Variants in DCAF10 observed in about 807,000 individuals in gnomAD.
The protein encoded by DCAF10 is DDB1- and CUL4-associated factor 10.
DCAF10 carries 19 observed loss-of-function variants against 51.9 expected under a neutral mutation model. That is an observed-to-expected ratio of 0.37 (90% confidence interval 0.26 to 0.54). The LOEUF is 0.54. DCAF10 is among the 20% of genes least tolerant of loss of function. DCAF10 has a pLI of 0.87. For synonymous variants in DCAF10, 291 were observed against 297.1 expected (o/e 0.98, Z 0.21); for missense variants, 510 against 730.6 (o/e 0.70, Z 3.48).
intron 2 of DCAF10, among the ~76,000 whole-genome samples, chr9:37,838,333 G>A (rs534110792): frequency 1.2e-4 from 19 of 152,002 alleles, no homozygotes; most frequent in African/African-American, 4.3e-4. Flanking sequence ...AAAGACCTAT[G>A]TGGCAAGGAT....
At chr9:37,836,949 C>G (rs1238131275) in intron 2 of DCAF10, among the ~76,000 whole-genome samples, 1 of 152,090 alleles carries the variant, frequency 6.6e-6, no homozygotes, top group Non-Finnish European at 1.5e-5. Context: ...CACAGTAGAT[C>G]AAACACATTT....
intron 3 of DCAF10, among the ~76,000 whole-genome samples, chr9:37,851,638 T>A (rs937975916): frequency 1.3e-5 from 2 of 151,246 alleles, no homozygotes; most frequent in Non-Finnish European, 3.0e-5. Flanking sequence ...TTACTAAAAA[T>A]ACAAAAATTA....
intron 2 of DCAF10, among the ~76,000 whole-genome samples, chr9:37,834,240 C>A (rs1387108023): frequency 6.6e-6 from 1 of 151,914 alleles, no homozygotes; most frequent in Non-Finnish European, 1.5e-5. Flanking sequence ...GCCCAGCCAT[C>A]TTTTTTTAAA....
In DCAF10 at chr9:37,813,335, A is replaced by G. The variant is rs531658496; in HGVS notation, c.540-5953A>G. On this transcript the variant is annotated intron_variant, in intron 1 of 6. Coordinates refer to ENST00000377724, the MANE Select transcript of DCAF10 (RefSeq NM_024345.5). ...GATCTCCAACTCCTGGCCACAAGCT[A>G]TCCTCCTGCCTTGGACTCCTAAAAC... 9.8e-5 allele frequency among the ~76,000 whole-genome samples: 15 copies of G among 152,324 alleles called. No individual in the cohort carries two copies. In the East Asian group the frequency reaches 2.7e-3, roughly 27 times the overall value.
intron 1 of DCAF10, among the ~76,000 whole-genome samples, chr9:37,808,902 C>T (rs1829244016): frequency 6.8e-6 from 1 of 147,148 alleles, no homozygotes; most frequent in Non-Finnish European, 1.5e-5. Flanking sequence ...GAGGATCTGG[C>T]AGGAGTTCAA....
At chr9:37,828,645 T>C (rs1212378992) in intron 2 of DCAF10, among the ~76,000 whole-genome samples, 2 of 152,148 alleles carry the variant, frequency 1.3e-5, no homozygotes, top group African/African-American at 4.8e-5. Context: ...TGCATGCCTA[T>C]AGTATGTAGT....
rs890171275 is a variant in DCAF10, at chr9:37,801,576, T to C, written c.539+171T>C. On this transcript the variant is annotated intron_variant, in intron 1 of 6. Transcript: ENST00000377724. This position sits in a 1 kb window ranked among gnomAD's most constrained non-coding sequence, Gnocchi z 5.5. ...CTGAAGCGCATTCTCGCCCTTGGAA[T>C]CCCCAGCCCAGCTTTTTGAGGCAGG... The C allele has an allele frequency of 2.3e-6, 2 of 862,706 alleles. No individual in the cohort carries two copies. The highest frequency in any genetic ancestry group is 3.1e-5 in the South Asian group (1 of 32,390). 53.4% of individuals were successfully genotyped at this position (862,706 alleles called of 1,614,324 possible). A position where few individuals can be genotyped will look rare whatever the true frequency, so the allele number is the denominator to read the frequency against.
chr9:37,822,426 T>G (rs1415563159), intron 2 of DCAF10, among the ~76,000 whole-genome samples: 2 of 85,234 alleles, frequency 2.3e-5, no homozygotes, highest in Admixed American at 1.1e-4. Context: ...TATATATATA[T>G]ATATATATAT....
chr9:37,821,741 A>AATAAAG (rs1219709499), intron 2 of DCAF10, among the ~76,000 whole-genome samples: 1 of 152,222 alleles, frequency 6.6e-6, no homozygotes, highest in Admixed American at 6.5e-5. Context: ...AAGCAATTGC[A>AATAAAG]ATAAAGATAA....
intron 2 of DCAF10, among the ~76,000 whole-genome samples, chr9:37,835,683 A>C (rs946540440): frequency 5.9e-5 from 9 of 152,094 alleles, no homozygotes; most frequent in Non-Finnish European, 1.0e-4. Context: ...GGTTGCAGAG[A>C]GCTGAGAGTC....
chr9:37,813,387 T>G (rs1489963864), intron 1 of DCAF10, among the ~76,000 whole-genome samples: 4 of 152,216 alleles, frequency 2.6e-5, no homozygotes, highest in African/African-American at 7.2e-5. Flanking sequence ...TGGGCCAATG[T>G]GCCTGGCCAA....
intron 2 of DCAF10, among the ~76,000 whole-genome samples, chr9:37,823,353 T>TC (rs1253346162): frequency 6.6e-6 from 1 of 152,000 alleles, no homozygotes; most frequent in East Asian, 1.9e-4. Context: ...CAAGAGAAAA[T>TC]CTTAGAAGCC....
intron 3 of DCAF10, among the ~76,000 whole-genome samples, chr9:37,853,770 T>C (rs766356861): frequency 6.6e-6 from 1 of 152,116 alleles, no homozygotes; most frequent in East Asian, 1.9e-4. Flanking sequence ...GGTCTTGCTA[T>C]GTTGCCCTGG....
At chr9:37,831,229 A>G (rs1235018307) in intron 2 of DCAF10, among the ~76,000 whole-genome samples, 1 of 152,140 alleles carries the variant, frequency 6.6e-6, no homozygotes, top group Admixed American at 6.5e-5. Context: ...AAAAAAAGAA[A>G]GTTTTGAGTG....
At chr9:37,855,455 C>T (rs948982258) in intron 4 of DCAF10, among the ~76,000 whole-genome samples, 4 of 152,144 alleles carry the variant, frequency 2.6e-5, no homozygotes, top group African/African-American at 4.8e-5. Flanking sequence ...ACTCTCTAAA[C>T]GCTCTTTTGC....
intron 3 of DCAF10, among the ~76,000 whole-genome samples, chr9:37,848,962 G>A (rs1371542033): frequency 7.4e-6 from 1 of 135,866 alleles, no homozygotes; most frequent in African/African-American, 2.8e-5. Context: ...GACACAGCGA[G>A]ACTCTGTCTC....
chr9:37,823,268 T>C (rs1005225340), intron 2 of DCAF10, among the ~76,000 whole-genome samples: 3 of 152,176 alleles, frequency 2.0e-5, no homozygotes, highest in African/African-American at 7.2e-5. Flanking sequence ...AAGTGAACTT[T>C]ATAGTGTTTG....
At chr9:37,815,159 A>T (rs1829487952) in intron 1 of DCAF10, among the ~76,000 whole-genome samples, 1 of 152,224 alleles carries the variant, frequency 6.6e-6, no homozygotes, top group Non-Finnish European at 1.5e-5. Context: ...ATTGAAACAG[A>T]ACTTTCCTTA....
At chr9:37,850,826 TTATATATATATATA>T (rs71494679) in intron 3 of DCAF10, among the ~76,000 whole-genome samples, 1,356 of 45,550 alleles carry the variant, frequency 0.03, 16 homozygotes, top group East Asian at 0.043. Flanking sequence ...AGGATATATT[TTATATATATATATA>T]TATATATATA....
Sources: gnomAD v4.1 joint callset for allele counts (sites outside exome capture counted in the v4.1 genomes callset) on GRCh38, gnomAD v4.1.1 for gene constraint, Gnocchi (gnomAD v3.1) non-coding constraint, MANE v1.5 for transcripts, NCBI Gene and HGNC (gene_info 2026-07-23, HGNC 2026-07-21) for gene names.